TRMT1: variants seen among roughly 807,000 people sequenced by gnomAD.
TRMT1 encodes the protein tRNA (guanine(26)-N(2))-dimethyltransferase.
In TRMT1, 63 loss-of-function variants were observed where a neutral mutation model predicts 75.4. The observed-to-expected ratio is 0.84, with a 90% CI of 0.68 to 1.03. TRMT1 has a LOEUF of 1.03. Ranked by LOEUF, TRMT1 falls within the 50% of genes least tolerant of loss-of-function variation. The pLI is 0.00. For synonymous variants in TRMT1, 382 were observed against 358.1 expected, an observed-to-expected ratio of 1.07 and a Z score of -0.75; for missense variants, 870 against 905.3, an observed-to-expected ratio of 0.96 and a Z score of 0.50.
rs770330849 is a variant in TRMT1 at position 13,110,213 on chromosome 19, C to G, written c.964G>C (p.Val322Leu). The change falls in exon 8 of 17, where the codon GTG (valine) becomes CTG (leucine). Residue 322 changes from valine to leucine, a missense_variant. Transcript: ENST00000357720. The part of the protein sequence containing the change: ...PLLSISADFY[V>L]RVFVRVFTGQ... ...GTGAAGACACGGACAAAAACACGCA[C>G]GTAGAAGTCAGCGCTGATGCTGAGC... 1 of 1,612,832 alleles carries G rather than the reference C, an allele frequency of 6.2e-7. No individual in the cohort carries two copies. The highest frequency in any genetic ancestry group is 1.7e-5 in the Admixed American group (1 of 60,012).
rs28495772 is a variant in TRMT1 at position 13,110,314 on chromosome 19, T to C, written c.871-8A>G. 2 of 604,330 alleles carry C rather than the reference T, an allele frequency of 3.3e-6. No individual in the cohort carries two copies. Among genetic ancestry groups the C allele is most frequent in the Non-Finnish European group, 5.9e-6 (2 of 338,216 alleles). The allele number at this position is 604,330 out of a possible 1,614,324, so 37.4% of individuals were successfully genotyped here. A position where few individuals can be genotyped will look rare whatever the true frequency, so the allele number is the denominator to read the frequency against. On this transcript the variant is annotated splice_polypyrimidine_tract_variant and splice_region_variant and intron_variant, in intron 7 of 16. Coordinates refer to ENST00000357720, the MANE Select transcript of TRMT1 (RefSeq NM_001136035.4). ...CAGGACGATTCTCAGGGCCTGGGGG[T>C]GGGGGGTGGGTGTCAGCCTCCCCTC... is the stretch of plus-strand genomic sequence containing the variant.
Position 13,105,409 on chromosome 19 carries a change from A to G in TRMT1, c.1704-13T>C, listed in dbSNP as rs1377944946. On this transcript the variant is annotated splice_polypyrimidine_tract_variant and intron_variant, in intron 15 of 16. Coordinates refer to ENST00000357720, the MANE Select transcript of TRMT1 (RefSeq NM_001136035.4). ...GGCCGCCTTGCCCCTGTGCGAGGGG[A>G]GGAGTAGGTGGGACCCCATCTGCCC... is the stretch of plus-strand genomic sequence containing the variant. 6.2e-7 allele frequency: 1 copy of G among 1,613,276 alleles called. No homozygotes were observed. The highest frequency in any genetic ancestry group is 1.3e-5 in the African/African-American group (1 of 74,876).
Position 13,110,222 on chromosome 19 carries a change from C to T in TRMT1, c.955G>A (p.Asp319Asn), listed in dbSNP as rs1471913791. The T allele has an allele frequency of 6.2e-7, 1 of 1,613,048 alleles. No homozygotes were observed. Reference sequence around the variant, plus strand: ...CGGACAAAAACACGCACGTAGAAGTCAGCGCTGATGCTGAGCAGCGGCACC... The same window carrying T: ...CGGACAAAAACACGCACGTAGAAGTTAGCGCTGATGCTGAGCAGCGGCACC... Reference protein sequence around the residue: ...FVVPLLSISADFYVRVFVRVF... With the variant: ...FVVPLLSISANFYVRVFVRVF... The change falls in exon 8 of 17, where the codon GAC becomes AAC. Residue 319 changes from aspartate to asparagine, a missense_variant. Transcript: ENST00000357720.
At chr19:13,111,028 C>T (rs372426134) in intron 7 of TRMT1, among the ~76,000 whole-genome samples, 2 of 152,290 alleles carry the variant, frequency 1.3e-5, no homozygotes, top group East Asian at 3.9e-4. Context: ...GACAGCATTT[C>T]CCGGGCTGAC....
rs2019379269 is a variant in TRMT1, at chr19:13,116,670, G to C, written c.-50C>G. The C allele has an allele frequency of 2.0e-6, 1 of 495,012 alleles. No individual in the cohort carries two copies. The highest frequency in any genetic ancestry group is 3.7e-5 in the Admixed American group (1 of 26,804). The allele number at this position is 495,012 out of a possible 1,614,324, so 30.7% of individuals were successfully genotyped here. A position where few individuals can be genotyped will look rare whatever the true frequency, so the allele number is the denominator to read the frequency against. ...GTCCTCACCTGCTCTCGTAGCCACAGAAAACCGAATTAGTCAAGGTGCACG... is the reference window on the plus strand; with the variant it reads ...GTCCTCACCTGCTCTCGTAGCCACACAAAACCGAATTAGTCAAGGTGCACG... On this transcript the variant is annotated 5_prime_UTR_variant, in exon 1 of 17. Transcript: ENST00000357720.
chr19:13,106,208 ACAGG>A (rs765256483), intron 14 of TRMT1, among the ~76,000 whole-genome samples: 9 of 152,102 alleles, frequency 5.9e-5, no homozygotes, highest in Non-Finnish European at 1.2e-4. Flanking sequence ...AGCTGGGACG[ACAGG>A]CAGGTACCAC....
In TRMT1 at chr19:13,105,003, C is replaced by A; in HGVS notation, c.1912G>T (p.Asp638Tyr). 6.2e-7 allele frequency: 1 copy of A among 1,613,432 alleles called. No individual in the cohort carries two copies. Among genetic ancestry groups the A allele is most frequent in the Non-Finnish European group, 8.5e-7 (1 of 1,179,746 alleles). The change falls in exon 17 of 17, where the codon GAC (aspartate) becomes TAC (tyrosine). Residue 638 changes from aspartate to tyrosine, a missense_variant. By Grantham distance (160) the Asp-to-Tyr change is radical. Coordinates refer to ENST00000357720, the MANE Select transcript of TRMT1 (RefSeq NM_001136035.4). Reference sequence around the variant, plus strand: ...GTCTGGTTGGAGGTCTCTGGACAGTCAGGGGCAGCATCAGCAGAAACCCTG... The same window carrying A: ...GTCTGGTTGGAGGTCTCTGGACAGTAAGGGGCAGCATCAGCAGAAACCCTG... ...TPRVSADAAP[D>Y]CPETSNQTPP...
In TRMT1 at chr19:13,105,282, G is replaced by C. The variant is rs749685354; in HGVS notation, c.1818C>G (p.Cys606Trp). The C allele has an allele frequency of 1.9e-6, 3 of 1,613,754 alleles. No individual in the cohort carries two copies. Among genetic ancestry groups the C allele is most frequent in the Non-Finnish European group, 2.5e-6 (3 of 1,179,962 alleles). The change falls in exon 16 of 17, where the codon TGC becomes TGG. Residue 606 changes from cysteine to tryptophan, a missense_variant. By Grantham distance (215) the Cys-to-Trp change is radical. Transcript: ENST00000357720. ...GGGACCTCACCTCCTTAAACCTCTT[G>C]CAAGGAAATGTCTTGAGCCGGGCAG... ...QRAARLKTFP[C>W]KRFKEGTCQR...
At chr19:13,115,517 C>T (rs1204456248) in intron 4 of TRMT1, 51 bp from the exon 5 acceptor site, 2 of 1,599,794 alleles carry the variant, frequency 1.3e-6, no homozygotes, top group East Asian at 2.2e-5. Context: ...CCATCCTCTT[C>T]TGGGCCCCAA....
intron 12 of TRMT1, among the ~76,000 whole-genome samples, chr19:13,109,085 G>GGTGTGTGTGTGTGTGTGTGTGTGTGTGT (rs57825932): frequency 8.2e-4 from 121 of 147,356 alleles, no homozygotes; most frequent in African/African-American, 2.8e-3. Context: ...CAGGCTAATG[G>GGTGTGTGTGTGTGTGTGTGTGTGTGTGT]GTGTGTGTGT....
Position 13,116,011 on chromosome 19 carries a change from G to A in TRMT1, c.296C>T (p.Ala99Val). ...CCTCCACTCACTCTGGATTCCTTTG[G>A]CCCCAAGCTGAATGCGAGCAAACTC... is the stretch of plus-strand genomic sequence containing the variant. The part of the protein sequence containing the change: ...ITEFARIQLG[A>V]KGIQIKVPGE... The change falls in exon 3 of 17, where the codon GCC (alanine) becomes GTC (valine). Residue 99 changes from alanine to valine, a missense_variant. Ala to Val is a moderately conservative substitution (Grantham distance 64, BLOSUM62 0). Transcript: ENST00000357720. 6.2e-7 allele frequency: 1 copy of A among 1,613,938 alleles called. No individual in the cohort carries two copies.
In TRMT1 at chr19:13,109,561, C is replaced by T. The variant is rs751613445; in HGVS notation, c.1300G>A (p.Val434Ile). 2.4e-5 allele frequency: 38 copies of T among 1,613,886 alleles called. No individual in the cohort carries two copies. The highest frequency in any genetic ancestry group is 8.3e-5 in the Admixed American group (5 of 59,994). The change falls in exon 11 of 17, where the codon GTC (valine) becomes ATC (isoleucine). Residue 434 changes from valine to isoleucine, a missense_variant. Transcript: ENST00000357720. ...AGCCCGGCTCTCACCTCAGTGATGA[C>T]GCTCAGGACCCCTCGGATCCGCTCC... Reference protein sequence around the residue: ...TSERIRGVLSVITEELPDVPL... With the variant: ...TSERIRGVLSIITEELPDVPL...
chr19:13,112,317 G>C (rs2019171281), intron 7 of TRMT1, among the ~76,000 whole-genome samples: 1 of 152,024 alleles, frequency 6.6e-6, no homozygotes, highest in Non-Finnish European at 1.5e-5. Flanking sequence ...CCATTTTACA[G>C]ATGCAAAAAA....
chr19:13,115,232 C>G (rs1251781603), intron 5 of TRMT1, 47 bp downstream of exon 5: 1 of 1,553,928 alleles, frequency 6.4e-7, no homozygotes, highest in Admixed American at 1.9e-5. Context: ...AGAATTTGAC[C>G]CCAGGCAGGC....
At chr19:13,115,890 G>C (rs778250348) in intron 3 of TRMT1, 107 bp downstream of exon 3, 7 of 1,604,030 alleles carry the variant, frequency 4.4e-6, no homozygotes, top group East Asian at 4.5e-5. Context: ...AGAACCCAGG[G>C]CCTGCTATGT....
chr19:13,112,267 G>C (rs979873142), intron 7 of TRMT1, among the ~76,000 whole-genome samples: 3 of 152,120 alleles, frequency 2.0e-5, no homozygotes, highest in African/African-American at 7.2e-5. Context: ...GGGATTACAG[G>C]TGTGAGCCAC....
intron 1 of TRMT1, 37 bp from the exon 2 acceptor site, chr19:13,116,468 A>G: frequency 6.5e-7 from 1 of 1,538,650 alleles, no homozygotes; most frequent in Non-Finnish European, 8.7e-7. Flanking sequence ...AGAGAGGGTC[A>G]GAGAGCCGCA....
Position 13,107,833 on chromosome 19 carries a change from C to G in TRMT1, c.1424G>C (p.Arg475Pro). Residue 475 changes from arginine (R) to proline (P), a missense_variant, in exon 13 of 17, where the codon CGG (arginine) becomes CCG (proline). Coordinates refer to ENST00000357720, the MANE Select transcript of TRMT1 (RefSeq NM_001136035.4). ...CTTACAGGCGTGGGAGAGTGAGACC[C>G]GGAAGTCAGCGTGGAGGAGGGCCGA... is the stretch of plus-strand genomic sequence containing the variant. ...LRSALLHADFRVSLSHACKNA... is the reference protein window; with the variant it reads ...LRSALLHADFPVSLSHACKNA... The G allele has an allele frequency of 6.4e-7, 1 of 1,551,624 alleles. No individual in the cohort carries two copies. Among genetic ancestry groups the G allele is most frequent in the Non-Finnish European group, 8.7e-7 (1 of 1,146,970 alleles).
chr19:13,111,095 G>A (rs1286667568), intron 7 of TRMT1, among the ~76,000 whole-genome samples: 1 of 152,216 alleles, frequency 6.6e-6, no homozygotes, highest in Non-Finnish European at 1.5e-5. Flanking sequence ...CCACGCTGGA[G>A]TGCAGTGGCA....
Sources: gnomAD v4.1 joint callset for allele counts (sites outside exome capture counted in the v4.1 genomes callset) on GRCh38, gnomAD v4.1.1 for gene constraint, MANE v1.5 for transcripts, NCBI Gene and HGNC (gene_info 2026-07-23, HGNC 2026-07-21) for gene names.